The following PPA2 variants were observed in gnomAD, a reference collection of about 807,000 sequenced individuals.
The protein encoded by PPA2 is inorganic pyrophosphatase 2, also known as inorganic pyrophosphatase 2, mitochondrial.
Under a neutral mutation model 49.5 loss-of-function variants are expected in PPA2, and 48 were observed. The observed-to-expected ratio is 0.97, with a 90% CI of 0.77 to 1.23. PPA2 has a LOEUF of 1.23. Ranked by LOEUF, PPA2 falls within the 50% of genes most tolerant of loss-of-function variation. The probability of loss-of-function intolerance (pLI) is 0.00; values close to 1 mark genes in which losing one functional copy is unlikely to be tolerated. For missense variants in PPA2, 429 were observed against 410.1 expected (o/e 1.05, Z -0.40); for synonymous variants, 131 against 139.9 (o/e 0.94, Z 0.45).
At chr4:105,382,903 AG>A (rs1733543244) in intron 10 of PPA2, among the ~76,000 whole-genome samples, 1 of 152,112 alleles carries the variant, frequency 6.6e-6, no homozygotes, top group Non-Finnish European at 1.5e-5. Context: ...TGGGAGGATG[AG>A]GTGGGAGGAT....
At chr4:105,409,983 C>A (rs1014684670) in intron 7 of PPA2, among the ~76,000 whole-genome samples, 1 of 152,090 alleles carries the variant, frequency 6.6e-6, no homozygotes, top group Non-Finnish European at 1.5e-5. Flanking sequence ...GCTGAAAAAT[C>A]AAAAAACCAG....
chr4:105,370,961 G>A, intron 10 of PPA2, 88 bp from the exon 11 acceptor site: 1 of 1,293,114 alleles, frequency 7.7e-7, no homozygotes, highest in East Asian at 3.0e-5. Context: ...CGAAATTATA[G>A]AAGAAAGTTT....
chr4:105,402,916 A>G (rs1448485413), intron 7 of PPA2, among the ~76,000 whole-genome samples: 1 of 152,170 alleles, frequency 6.6e-6, no homozygotes, highest in Non-Finnish European at 1.5e-5. Context: ...AAAAATTAAC[A>G]ATAATAAACC....
At position 105,369,620 on chromosome 4, in the gene PPA2, T is replaced by C; in HGVS notation, c.*105A>G. 1.9e-6 allele frequency: 2 copies of C among 1,058,132 alleles called. No individual in the cohort carries two copies. The highest frequency in any genetic ancestry group is 2.9e-6 in the Non-Finnish European group (2 of 697,182). The allele number at this position is 1,058,132 out of a possible 1,614,324, so 65.5% of individuals were successfully genotyped here. ...GCATAGCTCAAAAAGTTTGAAAAAATGAAGTTTTAACAGGAAGTCAGTAAA... is the reference window on the plus strand; with the variant it reads ...GCATAGCTCAAAAAGTTTGAAAAAACGAAGTTTTAACAGGAAGTCAGTAAA... On this transcript the variant is annotated 3_prime_UTR_variant, in exon 12 of 12. Transcript: ENST00000341695.
At chr4:105,437,382 T>C (rs1724113605) in intron 6 of PPA2, among the ~76,000 whole-genome samples, 1 of 152,122 alleles carries the variant, frequency 6.6e-6, no homozygotes, top group African/African-American at 2.4e-5. Context: ...AAGAAAGAAC[T>C]GACCAAAGAC....
intron 7 of PPA2, among the ~76,000 whole-genome samples, chr4:105,422,537 C>T (rs963151378): frequency 6.6e-6 from 1 of 152,062 alleles, no homozygotes; most frequent in African/African-American, 2.4e-5. Flanking sequence ...AGTTTCAATA[C>T]CTCTAGTTAC....
chr4:105,447,736 CTTT>C (rs5860798), intron 4 of PPA2, among the ~76,000 whole-genome samples: 15 of 137,176 alleles, frequency 1.1e-4, no homozygotes, highest in South Asian at 2.3e-4. Flanking sequence ...TTTCTTTTTT[CTTT>C]TTTTTTTTTT....
In PPA2 at chr4:105,447,147, A is replaced by C. The variant is rs569215970; in HGVS notation, c.322-645T>G. Among the ~76,000 whole-genome samples, 125 of 152,346 alleles carry C rather than the reference A, an allele frequency of 8.2e-4. 1 individual carries two copies. Among genetic ancestry groups the C allele is most frequent in the Non-Finnish European group, 8.1e-4 (55 of 68,022 alleles). On this transcript the variant is annotated intron_variant, in intron 4 of 11. Transcript: ENST00000341695. Reference sequence around the variant, plus strand: ...TAATATATAATCAACCTAAGTGTCCATCAACAGATTAATGGATAAAGAAAA... The same window carrying C: ...TAATATATAATCAACCTAAGTGTCCCTCAACAGATTAATGGATAAAGAAAA...
intron 7 of PPA2, among the ~76,000 whole-genome samples, chr4:105,416,338 CTA>C (rs1348783857): frequency 6.6e-6 from 1 of 152,106 alleles, no homozygotes; most frequent in Non-Finnish European, 1.5e-5. Flanking sequence ...AAGTAATACC[CTA>C]TCTCTTTGCC....
chr4:105,467,857 T>C (rs1306717792), intron 1 of PPA2, among the ~76,000 whole-genome samples: 5 of 152,160 alleles, frequency 3.3e-5, no homozygotes, highest in Non-Finnish European at 4.4e-5. Context: ...AGGAGTTCTG[T>C]TTTGTGCTGT....
At position 105,446,497 on chromosome 4, in the gene PPA2, G is replaced by A. The variant is rs552337598; in HGVS notation, c.327C>T (p.Ala109=). Residue 109 remains alanine (A), a synonymous_variant, in exon 5 of 12, where the codon GCC becomes GCT. Transcript: ENST00000341695. ...TAATGGGATTCATTGGCTCCTTGGT[G>A]GCAATCTAAGCAAATCACAGAAGGA... The part of the protein sequence containing the change: ...PRWTNAKMEI[A]TKEPMNPIKQ... 25 of 1,600,700 alleles carry A rather than the reference G, an allele frequency of 1.6e-5. No individual in the cohort carries two copies. Among genetic ancestry groups the A allele is most frequent in the Non-Finnish European group, 2.0e-5 (24 of 1,175,678 alleles).
At chr4:105,389,458 A>C (rs896321987) in intron 9 of PPA2, among the ~76,000 whole-genome samples, 2 of 151,650 alleles carry the variant, frequency 1.3e-5, no homozygotes, top group East Asian at 1.9e-4. Flanking sequence ...AAAAAAAAAA[A>C]AAAAACTAAA....
Position 105,380,749 on chromosome 4 carries a change from A to C in PPA2, c.939+5818T>G, listed in dbSNP as rs189286530. On this transcript the variant is annotated intron_variant, in intron 10 of 11. Coordinates refer to ENST00000341695, the MANE Select transcript of PPA2 (RefSeq NM_176869.3). ...ATACCATATATGTTTGTTTTCATAA[A>C]AAATATGTCTATTGCTTTTAAAAAA... Among the ~76,000 whole-genome samples the C allele has an allele frequency of 1.3e-3, 198 of 152,244 alleles. 4 individuals carry two copies. The highest frequency in any genetic ancestry group is 4.7e-3 in the African/African-American group (196 of 41,536).
intron 1 of PPA2, chr4:105,473,320 G>A (rs1433887836): frequency 3.9e-6 from 1 of 255,858 alleles, no homozygotes; most frequent in Non-Finnish European, 7.8e-6. Flanking sequence ...ATCACACTCA[G>A]GGTGTAAACT....
In PPA2 at chr4:105,424,032, T is replaced by A. The variant is rs148785169; in HGVS notation, c.655+164A>T. Reference sequence around the variant, plus strand: ...GAAAAAGGGAATAGAGGGAAACCAGTAGAATGTACTTTCTTCATTTAAAAT... The same window carrying A: ...GAAAAAGGGAATAGAGGGAAACCAGAAGAATGTACTTTCTTCATTTAAAAT... On this transcript the variant is annotated intron_variant, in intron 7 of 11. Coordinates refer to ENST00000341695, the MANE Select transcript of PPA2 (RefSeq NM_176869.3). Among the ~76,000 whole-genome samples the A allele has an allele frequency of 3.3e-5, 5 of 152,252 alleles. No homozygotes were observed. The East Asian group carries it at 9.6e-4, about 29-fold the overall frequency.
chr4:105,372,281 G>A (rs568343325), intron 10 of PPA2, among the ~76,000 whole-genome samples: 1 of 152,240 alleles, frequency 6.6e-6, no homozygotes, highest in African/African-American at 2.4e-5. Flanking sequence ...TTGGCCCCTT[G>A]GTCTTCTTGC....
At chr4:105,439,444 T>C (rs1469670715) in intron 5 of PPA2, among the ~76,000 whole-genome samples, 3 of 152,144 alleles carry the variant, frequency 2.0e-5, no homozygotes, top group African/African-American at 7.2e-5. Context: ...CCTAGAGAGG[T>C]TCTGTTCTTT....
At chr4:105,466,624 A>C (rs978361736) in intron 1 of PPA2, among the ~76,000 whole-genome samples, 2 of 152,194 alleles carry the variant, frequency 1.3e-5, no homozygotes, top group Non-Finnish European at 2.9e-5. Flanking sequence ...ATTATAATAA[A>C]AGGCTTTAGA....
Position 105,474,017 on chromosome 4 carries a change from C to G in PPA2, c.34G>C (p.Ala12Pro), listed in dbSNP as rs761213196. Reference protein sequence around the residue: ...SALLRLLRTGAPAAACLRLGT... With the variant: ...SALLRLLRTGPPAAACLRLGT... ...AACCGCAGGCACGCAGCGGCTGGGG[C>G]ACCCGTGCGCAGCAGCCGCAGCAGC... Residue 12 changes from alanine to proline, a missense_variant, in exon 1 of 12, where the codon GCC (alanine) becomes CCC (proline). Coordinates refer to ENST00000341695, the MANE Select transcript of PPA2 (RefSeq NM_176869.3). The G allele has an allele frequency of 3.1e-6, 5 of 1,600,462 alleles. No individual in the cohort carries two copies. The African/African-American group carries it at 4.0e-5, about 13-fold the overall frequency.
Sources: gnomAD v4.1 joint callset for allele counts (sites outside exome capture counted in the v4.1 genomes callset) on GRCh38, gnomAD v4.1.1 for gene constraint, MANE v1.5 for transcripts, NCBI Gene and HGNC (gene_info 2026-07-23, HGNC 2026-07-21) for gene names.